TAF1: variants seen among roughly 807,000 people sequenced by gnomAD.
TAF1 encodes transcription initiation factor TFIID subunit 1.
In TAF1, 2 loss-of-function variants were observed where a neutral mutation model predicts 138.5. The observed-to-expected ratio is 0.01, with a 90% CI of 0.01 to 0.05. The LOEUF (loss-of-function observed/expected upper bound fraction) is 0.05, where lower values mean the gene tolerates loss of function less well. Among genes scored for constraint, TAF1 ranks in the 10% least tolerant of loss-of-function variants. The pLI is 1.00. For missense variants in TAF1, 709 were observed against 1,478.0 expected (o/e 0.48, Z 8.53); for synonymous variants, 437 against 503.2 (o/e 0.87, Z 1.76).
intron 14 of TAF1, among the ~76,000 whole-genome samples, chrX:71,386,438 A>G (rs1771415411): frequency 9.0e-6 from 1 of 111,351 alleles, no homozygotes; most frequent in African/African-American, 3.3e-5. Flanking sequence ...TATTCTGTCT[A>G]GCACTCTTTC....
chrX:71,393,492 G>T lies in TAF1; in HGVS notation c.3227+16G>T. The T allele has an allele frequency of 8.6e-7, 1 of 1,168,683 alleles. No individual in the cohort carries two copies. The highest frequency in any genetic ancestry group is 1.1e-6 in the Non-Finnish European group (1 of 875,868). On this transcript the variant is annotated intron_variant, in intron 21 of 37. Transcript: ENST00000423759. Reference sequence around the variant, plus strand: ...TACAGAACAAGTGGGTCGTTTTAGTGCTGCAGAAAATCCAAGCTGGAAAGG... The same window carrying T: ...TACAGAACAAGTGGGTCGTTTTAGTTCTGCAGAAAATCCAAGCTGGAAAGG...
intron 13 of TAF1, among the ~76,000 whole-genome samples, chrX:71,499,930 T>C (rs1349481630): frequency 8.9e-6 from 1 of 111,981 alleles, no homozygotes; most frequent in Non-Finnish European, 1.9e-5. Context: ...ATCTGAAAAC[T>C]TCCCCAGGTC....
chrX:71,526,369 T>C (rs1602121257), intron 13 of TAF1, among the ~76,000 whole-genome samples: 2 of 112,360 alleles, frequency 1.8e-5, no homozygotes, highest in African/African-American at 6.5e-5. Context: ...ATAATAGTTC[T>C]AGTTGTCTTT....
intron 13 of TAF1, among the ~76,000 whole-genome samples, chrX:71,495,326 G>A (rs910549075): frequency 2.7e-5 from 3 of 111,589 alleles, no homozygotes; most frequent in Non-Finnish European, 5.6e-5. Flanking sequence ...CGATCCTAGA[G>A]GAAACAAATT....
chrX:71,425,629 C>T (rs912372941), intron 32 of TAF1, among the ~76,000 whole-genome samples: 1 of 111,096 alleles, frequency 9.0e-6, no homozygotes, highest in South Asian at 3.8e-4. Context: ...TGGGCAACAG[C>T]AAGACCCTGT....
intron 3 of TAF1, among the ~76,000 whole-genome samples, chrX:71,370,844 C>T (rs189597319): frequency 1.8e-5 from 2 of 111,661 alleles, no homozygotes; most frequent in East Asian, 2.8e-4. Context: ...AAGTAACCCA[C>T]GAAAAATAGA....
intron 32 of TAF1, among the ~76,000 whole-genome samples, chrX:71,447,536 C>T (rs1200393555): frequency 1.8e-5 from 2 of 110,376 alleles, no homozygotes; most frequent in Admixed American, 9.7e-5. Flanking sequence ...AACTCTGTCT[C>T]TGCTAAAAAA....
chrX:71,386,739 A>G (rs773570631), intron 14 of TAF1, among the ~76,000 whole-genome samples: 1 of 113,213 alleles, frequency 8.8e-6, no homozygotes, highest in South Asian at 3.6e-4. Context: ...TGCTGAGATT[A>G]CAGGCATGAG....
At chrX:71,388,163 G>T in intron 15 of TAF1, 74 bp from the exon 16 acceptor site, 1 of 1,159,044 alleles carries the variant, frequency 8.6e-7, no homozygotes, top group Non-Finnish European at 1.2e-6. Flanking sequence ...TTAGAGCTTA[G>T]CAAAGGAAGA....
chrX:71,495,619 C>A (rs958008433), intron 13 of TAF1, among the ~76,000 whole-genome samples: 34 of 112,039 alleles, frequency 3.0e-4, no homozygotes, highest in Non-Finnish European at 5.1e-4. Context: ...TGGAGAGTCA[C>A]TGCTGCCAAA....
At chrX:71,384,858 T>C (rs1432733412) in intron 13 of TAF1, 87 bp from the exon 14 acceptor site, 3 of 684,606 alleles carry the variant, frequency 4.4e-6, no homozygotes, top group Non-Finnish European at 6.5e-6. Flanking sequence ...TGAGGGATAC[T>C]CAACCTGTAT....
In TAF1 at chrX:71,508,082, CTCTCTATA is replaced by C. The variant is rs1470283031; in HGVS notation, c.1367-20458_1367-20451del. Among the ~76,000 whole-genome samples, 13 of 95,799 alleles carry C rather than the reference CTCTCTATA, an allele frequency of 1.4e-4. No individual in the cohort carries two copies. In the East Asian group the frequency reaches 3.3e-3, roughly 24 times the overall value. 83.2% of individuals were successfully genotyped at this position (95,799 alleles called of 115,157 possible). The stretch of plus-strand genomic sequence containing the variant: ...ATATGAATATTCTCTCTCTCTCTCT[CTCTCTATA>C]TATATATATATATATATATATATGA... On this transcript the variant is annotated intron_variant and NMD_transcript_variant, in intron 13 of 14. Transcript: ENST00000373775.
At chrX:71,471,588 G>A (rs762227848) in intron 13 of TAF1, among the ~76,000 whole-genome samples, 1 of 107,236 alleles carries the variant, frequency 9.3e-6, no homozygotes, top group South Asian at 4.1e-4. Flanking sequence ...CCTTGTTACT[G>A]GTGGAGGGTG....
At chrX:71,439,302 T>C (rs953281662) in intron 32 of TAF1, among the ~76,000 whole-genome samples, 1 of 111,735 alleles carries the variant, frequency 8.9e-6, no homozygotes. Context: ...AAACTCTTTT[T>C]TTTTAATTCT....
At chrX:71,488,930 G>A (rs1289211280) in intron 13 of TAF1, among the ~76,000 whole-genome samples, 1 of 110,032 alleles carries the variant, frequency 9.1e-6, no homozygotes, top group Non-Finnish European at 1.9e-5. Flanking sequence ...AGCCAGGCAT[G>A]GTTGTGCACG....
chrX:71,470,887 C>T (rs1338302807), downstream of TAF1, among the ~76,000 whole-genome samples: 5 of 108,466 alleles, frequency 4.6e-5, no homozygotes, highest in South Asian at 2.1e-3. Flanking sequence ...AAACAGGTGG[C>T]ATGAACCTGT....
At chrX:71,374,901 A>C (rs1459340039) in intron 3 of TAF1, among the ~76,000 whole-genome samples, 6 of 108,724 alleles carry the variant, frequency 5.5e-5, no homozygotes, top group African/African-American at 2.0e-4. Flanking sequence ...CCCGACCGAC[A>C]TGGAGAAACC....
intron 13 of TAF1, among the ~76,000 whole-genome samples, chrX:71,524,770 A>G (rs200239867): frequency 1.5e-4 from 16 of 109,196 alleles, no homozygotes; most frequent in Admixed American, 4.9e-4. Context: ...GTGAAACCCC[A>G]TCTCTACTAA....
intron 13 of TAF1, among the ~76,000 whole-genome samples, chrX:71,474,422 T>C (rs887474654): frequency 3.5e-4 from 39 of 111,623 alleles, no homozygotes; most frequent in African/African-American, 1.2e-3. Flanking sequence ...GTGCTTCAAT[T>C]AAAGCAATGA....
Sources: allele counts gnomAD v4.1 joint callset (sites outside exome capture counted in the v4.1 genomes callset), GRCh38; gene constraint gnomAD v4.1.1; transcripts MANE v1.5; gene names NCBI Gene and HGNC (gene_info 2026-07-23, HGNC 2026-07-21).